The following CNTNAP4 variants were observed in gnomAD, a reference collection of about 807,000 sequenced individuals.
CNTNAP4 encodes contactin-associated protein-like 4.
A neutral mutation model predicts 148.4 loss-of-function variants in CNTNAP4; 98 were observed. The observed-to-expected ratio is 0.66, with a 90% CI of 0.56 to 0.78. The LOEUF is 0.78. Among genes scored for constraint, CNTNAP4 ranks in the 30% least tolerant of loss-of-function variants. CNTNAP4 has a pLI of 0.00. For missense variants in CNTNAP4, 1,935 were observed against 1,565.6 expected (o/e 1.24, Z -3.98); for synonymous variants, 730 against 565.1 (o/e 1.29, Z -4.14).
At chr16:76,420,607 C>G (rs1041786849) in intron 3 of CNTNAP4, among the ~76,000 whole-genome samples, 1 of 151,874 alleles carries the variant, frequency 6.6e-6, no homozygotes, top group African/African-American at 2.4e-5. Context: ...AAAATATTCT[C>G]TTCTTTGAGG....
At chr16:76,537,141 T>C (rs938995608) in intron 18 of CNTNAP4, among the ~76,000 whole-genome samples, 10 of 152,224 alleles carry the variant, frequency 6.6e-5, no homozygotes, top group African/African-American at 2.4e-4. Context: ...TAAAATAACA[T>C]GTCTTTGTTT....
At chr16:76,332,980 TC>T (rs1230350098) in intron 2 of CNTNAP4, among the ~76,000 whole-genome samples, 1 of 152,214 alleles carries the variant, frequency 6.6e-6, no homozygotes, top group Admixed American at 6.5e-5. Flanking sequence ...TGGAGACCAT[TC>T]CCAGAGTTTT....
chr16:76,403,407 A>G (rs1424441010), intron 3 of CNTNAP4, among the ~76,000 whole-genome samples: 2 of 152,168 alleles, frequency 1.3e-5, no homozygotes, highest in Admixed American at 6.5e-5. Context: ...ACACTTTTCT[A>G]AAGAAGTCGT....
rs193146217 is a variant in CNTNAP4 at position 76,284,449 on chromosome 16, A to C, written c.85+6702A>C. On this transcript the variant is annotated intron_variant, in intron 1 of 23. Coordinates refer to ENST00000611870, the MANE Select transcript of CNTNAP4 (RefSeq NM_033401.5). ...ATGCCCCAAACCTCATGCAGACAAA[A>C]ATTACAGAGTTTTGGAGACCCTGTG... is the stretch of plus-strand genomic sequence containing the variant. 2.5e-3 allele frequency among the ~76,000 whole-genome samples: 374 copies of C among 152,126 alleles called. 2 individuals are homozygous for C. The highest frequency in any genetic ancestry group is 8.0e-3 in the African/African-American group (333 of 41,578).
intron 2 of CNTNAP4, among the ~76,000 whole-genome samples, chr16:76,346,240 C>T (rs1024456942): frequency 3.3e-5 from 5 of 151,906 alleles, no homozygotes; most frequent in East Asian, 1.9e-4. Context: ...TTTAATCAAC[C>T]GAATGTCTGA....
chr16:76,437,805 C>T (rs966613505), intron 4 of CNTNAP4, among the ~76,000 whole-genome samples: 1 of 152,016 alleles, frequency 6.6e-6, no homozygotes, highest in Admixed American at 6.6e-5. Context: ...TAGAAAATGT[C>T]TATTTGGCAG....
At chr16:76,367,611 T>G (rs538008715) in intron 3 of CNTNAP4, among the ~76,000 whole-genome samples, 49 of 152,286 alleles carry the variant, frequency 3.2e-4, no homozygotes, top group African/African-American at 1.1e-3. Flanking sequence ...TTTACTTAGA[T>G]TTAAAAATAA....
At chr16:76,338,397 C>G (rs183123036) in intron 2 of CNTNAP4, among the ~76,000 whole-genome samples, 1 of 152,264 alleles carries the variant, frequency 6.6e-6, no homozygotes. Context: ...TTGCTCCCTT[C>G]ACTCCCTTCA....
chr16:76,328,800 C>A (rs377360382), intron 2 of CNTNAP4, among the ~76,000 whole-genome samples: 92 of 152,186 alleles, frequency 6.0e-4, no homozygotes, highest in African/African-American at 2.0e-3. Context: ...CGCCTGCCAC[C>A]GCACCTGGCT....
At chr16:76,501,131 T>C (rs930896209) in intron 15 of CNTNAP4, among the ~76,000 whole-genome samples, 1 of 152,252 alleles carries the variant, frequency 6.6e-6, no homozygotes, top group South Asian at 2.1e-4. Context: ...ATCTCTGATA[T>C]GTATCACCTC....
intron 2 of CNTNAP4, among the ~76,000 whole-genome samples, chr16:76,317,537 G>T (rs868589709): frequency 1.3e-5 from 2 of 152,262 alleles, no homozygotes; most frequent in South Asian, 4.1e-4. Flanking sequence ...TACATAAAAC[G>T]TTTTAACAAT....
chr16:76,382,708 A>T (rs141858642), intron 3 of CNTNAP4, among the ~76,000 whole-genome samples: 1 of 152,188 alleles, frequency 6.6e-6, no homozygotes, highest in Non-Finnish European at 1.5e-5. Context: ...TCAAGAAATT[A>T]TCAAGGAAAA....
At chr16:76,460,686 G>T in intron 8 of CNTNAP4, among the ~76,000 whole-genome samples, 1 of 138,416 alleles carries the variant, frequency 7.2e-6, no homozygotes, top group African/African-American at 2.7e-5. Flanking sequence ...CTGGGAGGCA[G>T]AGCTTGCAGT....
At chr16:76,302,349 C>T (rs1365792182) in intron 1 of CNTNAP4, among the ~76,000 whole-genome samples, 1 of 152,098 alleles carries the variant, frequency 6.6e-6, no homozygotes, top group Non-Finnish European at 1.5e-5. Flanking sequence ...TTGGGATTCT[C>T]TCCAAGCTCA....
chr16:76,465,467 G>C (rs1021222749), intron 9 of CNTNAP4, among the ~76,000 whole-genome samples: 3 of 152,018 alleles, frequency 2.0e-5, no homozygotes, highest in African/African-American at 7.2e-5. Flanking sequence ...GGTGACTCTG[G>C]GTTTGCTTAG....
intron 2 of CNTNAP4, among the ~76,000 whole-genome samples, chr16:76,333,784 T>G (rs796494795): frequency 0.018 from 2,554 of 144,062 alleles, 65 homozygotes; most frequent in African/African-American, 0.064. Flanking sequence ...TATAGGTTTT[T>G]TTTTTTTTTT....
At chr16:76,328,293 C>T (rs549951533) in intron 2 of CNTNAP4, among the ~76,000 whole-genome samples, 1 of 152,098 alleles carries the variant, frequency 6.6e-6, no homozygotes, top group African/African-American at 2.4e-5. Flanking sequence ...CCTCTGTGGT[C>T]CTGCTCTCAA....
At chr16:76,366,118 G>A (rs1217656878) in intron 3 of CNTNAP4, among the ~76,000 whole-genome samples, 5 of 151,682 alleles carry the variant, frequency 3.3e-5, no homozygotes, top group African/African-American at 4.8e-5. Flanking sequence ...TTTTAGTTTC[G>A]TGTCAAATTA....
chr16:76,354,023 A>C (rs1036968853), intron 2 of CNTNAP4, among the ~76,000 whole-genome samples: 4 of 152,192 alleles, frequency 2.6e-5, no homozygotes, highest in African/African-American at 9.6e-5. Context: ...ATTAATGGTA[A>C]TCTGTATCTA....
Sources: gnomAD v4.1 joint callset for allele counts (sites outside exome capture counted in the v4.1 genomes callset) on GRCh38, gnomAD v4.1.1 for gene constraint, MANE v1.5 for transcripts, NCBI Gene and HGNC (gene_info 2026-07-23, HGNC 2026-07-21) for gene names.